The following TUBGCP3 variants were observed in gnomAD, a reference collection of about 807,000 sequenced individuals.
TUBGCP3 encodes gamma-tubulin complex component 3.
TUBGCP3 carries 50 observed loss-of-function variants against 123.1 expected under a neutral mutation model. That is an observed-to-expected ratio of 0.41 (90% CI 0.32 to 0.51). The LOEUF (loss-of-function observed/expected upper bound fraction) is 0.51, where lower values mean the gene tolerates loss of function less well. Ranked by LOEUF, TUBGCP3 falls within the 20% of genes least tolerant of loss-of-function variation. TUBGCP3 has a pLI of 0.36. For missense variants in TUBGCP3, 882 were observed against 1,127.0 expected (o/e 0.78, Z 3.11); for synonymous variants, 405 against 413.9 (o/e 0.98, Z 0.26).
At chr13:112,517,514 G>C (rs1214186347) in intron 16 of TUBGCP3, among the ~76,000 whole-genome samples, 1 of 152,180 alleles carries the variant, frequency 6.6e-6, no homozygotes, top group Non-Finnish European at 1.5e-5. Flanking sequence ...GCAATTATCT[G>C]TACTATGGTA....
At chr13:112,575,096 G>A (rs1457177050) in intron 1 of TUBGCP3, among the ~76,000 whole-genome samples, 1 of 152,198 alleles carries the variant, frequency 6.6e-6, no homozygotes, top group Non-Finnish European at 1.5e-5. Flanking sequence ...CTGGCAGGCT[G>A]GGGGTTCGGA....
At chr13:112,557,301 G>A (rs566565894) in intron 5 of TUBGCP3, among the ~76,000 whole-genome samples, 5 of 152,246 alleles carry the variant, frequency 3.3e-5, no homozygotes, top group East Asian at 3.9e-4. Flanking sequence ...AATGCTTTGC[G>A]TTTTCTTCAT....
intron 16 of TUBGCP3, among the ~76,000 whole-genome samples, chr13:112,518,582 G>A (rs1876354773): frequency 6.6e-6 from 1 of 152,088 alleles, no homozygotes; most frequent in South Asian, 2.1e-4. Flanking sequence ...CGGTTTAAAT[G>A]AATACTAAAT....
At chr13:112,576,131 G>A (rs1881790801) in intron 1 of TUBGCP3, among the ~76,000 whole-genome samples, 1 of 152,114 alleles carries the variant, frequency 6.6e-6, no homozygotes, top group Admixed American at 6.6e-5. Context: ...ACAACTACAA[G>A]ACTTAAAAAT....
At chr13:112,520,280 G>A (rs1271791263) in intron 14 of TUBGCP3, among the ~76,000 whole-genome samples, 4 of 152,158 alleles carry the variant, frequency 2.6e-5, no homozygotes, top group African/African-American at 9.7e-5. Flanking sequence ...TGTAATCCCA[G>A]CACTTTGGGA....
At chr13:112,490,641 T>C (rs1056156785) in intron 20 of TUBGCP3, among the ~76,000 whole-genome samples, 1 of 152,266 alleles carries the variant, frequency 6.6e-6, no homozygotes, top group African/African-American at 2.4e-5. Context: ...CTAGTCTTCA[T>C]AAATTATGCT....
chr13:112,496,147 A>G (rs1880513726), intron 20 of TUBGCP3, among the ~76,000 whole-genome samples: 1 of 152,228 alleles, frequency 6.6e-6, no homozygotes, highest in East Asian at 1.9e-4. Context: ...TTAGAAACCA[A>G]TGTTTTCAAC....
In TUBGCP3 at chr13:112,549,785, C is replaced by T. The variant is rs190102866; in HGVS notation, c.967-1609G>A. 2.0e-5 allele frequency among the ~76,000 whole-genome samples: 3 copies of T among 151,788 alleles called. No individual in the cohort carries two copies. The East Asian group carries it at 5.8e-4, about 30-fold the overall frequency. Reference sequence around the variant, plus strand: ...CGGGCGGATCACGAGGCCAGGAGATCGAGACCATCCTGGCTAACATGGTGA... The same window carrying T: ...CGGGCGGATCACGAGGCCAGGAGATTGAGACCATCCTGGCTAACATGGTGA... On this transcript the variant is annotated intron_variant, in intron 8 of 21. Transcript: ENST00000261965.
At chr13:112,531,829 A>C (rs1877602310) in intron 11 of TUBGCP3, among the ~76,000 whole-genome samples, 1 of 152,206 alleles carries the variant, frequency 6.6e-6, no homozygotes, top group South Asian at 2.1e-4. Flanking sequence ...AAAAAAACCA[A>C]GGTCAGAATA....
intron 8 of TUBGCP3, among the ~76,000 whole-genome samples, chr13:112,549,417 G>A (rs949999201): frequency 2.6e-5 from 4 of 151,722 alleles, no homozygotes; most frequent in African/African-American, 2.4e-5. Context: ...ACACCAACAC[G>A]GCACATGTAT....
rs750893779 is a variant in TUBGCP3, at chr13:112,565,198, A to G, written c.185-20T>C. 9 of 1,608,164 alleles carry G rather than the reference A, an allele frequency of 5.6e-6. No homozygotes were observed. In the South Asian group the frequency reaches 7.7e-5, roughly 14 times the overall value. ...GAATAACTGAAAAGACAGAAAAAAA[A>G]TAAGTGTGGTAACTACAAACACCAA... is the stretch of plus-strand genomic sequence containing the variant. On this transcript the variant is annotated intron_variant, in intron 2 of 21. Transcript: ENST00000261965.
chr13:112,565,332 T>G (rs927950550), intron 2 of TUBGCP3, among the ~76,000 whole-genome samples, 154 bp from the exon 3 acceptor site: 1 of 152,250 alleles, frequency 6.6e-6, no homozygotes, highest in Admixed American at 6.5e-5. Context: ...TTAAGCTCTA[T>G]GAATCTGATC....
chr13:112,593,565 C>G, the TUBGCP3 span, among the ~76,000 whole-genome samples: 17 of 152,032 alleles, frequency 1.1e-4, no homozygotes, highest in Non-Finnish European at 1.9e-4. Flanking sequence ...CCCAGCTACT[C>G]GGGAAGCTGA....
chr13:112,543,915 A>G (rs1419589747), intron 11 of TUBGCP3, among the ~76,000 whole-genome samples: 1 of 152,252 alleles, frequency 6.6e-6, no homozygotes, highest in African/African-American at 2.4e-5. Context: ...TAATCAGAAG[A>G]AGAAATAAAA....
intron 19 of TUBGCP3, among the ~76,000 whole-genome samples, chr13:112,500,266 A>G (rs1419878315): frequency 1.3e-5 from 2 of 152,222 alleles, no homozygotes; most frequent in East Asian, 3.9e-4. Context: ...TAAGCAAACT[A>G]GGACTAGGGC....
At chr13:112,549,243 C>A (rs1305535117) in intron 8 of TUBGCP3, among the ~76,000 whole-genome samples, 1 of 150,042 alleles carries the variant, frequency 6.7e-6, no homozygotes, top group East Asian at 2.0e-4. Flanking sequence ...GGACAGAAAA[C>A]AAAACACCGC....
In TUBGCP3 at chr13:112,519,821, G is replaced by T; in HGVS notation, c.1881+65C>A. ...GAAACAACATGGAAAACACTCGCTA[G>T]AACACCCCGGCCCAGTGGGTCCTCG... On this transcript the variant is annotated intron_variant, in intron 15 of 21. Coordinates refer to ENST00000261965, the MANE Select transcript of TUBGCP3 (RefSeq NM_006322.6). The surrounding 1 kb of genome is among the most constrained non-coding windows in gnomAD (Gnocchi z 6.2). 4.5e-6 allele frequency: 7 copies of T among 1,555,478 alleles called. No homozygotes were observed. Among genetic ancestry groups the T allele is most frequent in the Non-Finnish European group, 6.1e-6 (7 of 1,150,636 alleles).
At chr13:112,490,271 GTTTT>G (rs981019348) in intron 20 of TUBGCP3, among the ~76,000 whole-genome samples, 39 of 152,258 alleles carry the variant, frequency 2.6e-4, no homozygotes, top group African/African-American at 9.1e-4. Flanking sequence ...TTGTTTGTTT[GTTTT>G]TTGAGATGGA....
chr13:112,533,600 C>T (rs1339400472), intron 11 of TUBGCP3, among the ~76,000 whole-genome samples: 5 of 151,822 alleles, frequency 3.3e-5, no homozygotes, highest in Admixed American at 6.6e-5. Context: ...CCACAGCACC[C>T]GTGCCTTTGT....
Sources: gnomAD v4.1 joint callset for allele counts (sites outside exome capture counted in the v4.1 genomes callset) on GRCh38, gnomAD v4.1.1 for gene constraint, Gnocchi (gnomAD v3.1) non-coding constraint, MANE v1.5 for transcripts, NCBI Gene and HGNC (gene_info 2026-07-23, HGNC 2026-07-21) for gene names.